PPP2R5E: variants seen among roughly 807,000 people sequenced by gnomAD.
PPP2R5E encodes protein phosphatase 2 regulatory subunit B'epsilon.
PPP2R5E carries 4 observed loss-of-function variants against 65.3 expected under a neutral mutation model. The observed-to-expected ratio is 0.06, with a 90% CI of 0.03 to 0.14. The LOEUF (loss-of-function observed/expected upper bound fraction) is 0.14, where lower values mean the gene tolerates loss of function less well. Among genes scored for constraint, PPP2R5E ranks in the 10% least tolerant of loss-of-function variants. The pLI is 1.00. For synonymous variants in PPP2R5E, 183 were observed against 187.4 expected (o/e 0.98, Z 0.19); for missense variants, 274 against 556.1 (o/e 0.49, Z 5.10).
chr14:63,516,957 G>A (rs1480570371), intron 2 of PPP2R5E, among the ~76,000 whole-genome samples: 1 of 151,602 alleles, frequency 6.6e-6, no homozygotes, highest in Non-Finnish European at 1.5e-5. Context: ...TTTAGTCTAT[G>A]GATGAACTAA....
chr14:63,515,311 A>C (rs1044461496), intron 2 of PPP2R5E, among the ~76,000 whole-genome samples: 4 of 152,204 alleles, frequency 2.6e-5, no homozygotes, highest in African/African-American at 9.7e-5. Context: ...AGAATTATTC[A>C]AATTATTTAG....
intron 5 of PPP2R5E, among the ~76,000 whole-genome samples, chr14:63,399,387 T>C (rs1885613864): frequency 7.7e-6 from 1 of 129,374 alleles, no homozygotes; most frequent in South Asian, 2.7e-4. Flanking sequence ...TTTTTTTTTT[T>C]TTTTTTTTTT....
chr14:63,415,613 A>G (rs35911948), intron 4 of PPP2R5E, among the ~76,000 whole-genome samples: 1 of 152,204 alleles, frequency 6.6e-6, no homozygotes, highest in Non-Finnish European at 1.5e-5. Context: ...CATTTAACAT[A>G]CCATATAAAT....
chr14:63,426,366 A>G (rs1005173296), intron 3 of PPP2R5E, among the ~76,000 whole-genome samples: 2 of 152,146 alleles, frequency 1.3e-5, no homozygotes, highest in Non-Finnish European at 2.9e-5. Flanking sequence ...TTATCAACTC[A>G]GTGGAATATT....
chr14:63,539,699 A>G lies in PPP2R5E; in HGVS notation c.-7-7T>C, dbSNP rs771279887. On this transcript the variant is annotated splice_polypyrimidine_tract_variant and splice_region_variant and intron_variant, in intron 1 of 13. Coordinates refer to ENST00000337537, the MANE Select transcript of PPP2R5E (RefSeq NM_006246.5). ...TGCTGAGGACATATCCCTACTGAAG[A>G]GAAAGAAGTATCATAAACCCATACA... The G allele has an allele frequency of 3.7e-6, 6 of 1,610,420 alleles. No individual in the cohort carries two copies. Among genetic ancestry groups the G allele is most frequent in the Non-Finnish European group, 5.1e-6 (6 of 1,177,598 alleles).
At chr14:63,491,879 G>GT (rs1280923833) in intron 2 of PPP2R5E, among the ~76,000 whole-genome samples, 3 of 151,948 alleles carry the variant, frequency 2.0e-5, no homozygotes, top group Admixed American at 6.6e-5. Flanking sequence ...AATTTCTTCT[G>GT]TTTTTCACTT....
Position 63,498,154 on chromosome 14 carries a change from C to T in PPP2R5E, c.157+41375G>A, listed in dbSNP as rs534245381. 6.6e-5 allele frequency among the ~76,000 whole-genome samples: 10 copies of T among 152,222 alleles called. No individual in the cohort carries two copies. In the South Asian group the frequency reaches 1.9e-3, roughly 28 times the overall value. On this transcript the variant is annotated intron_variant, in intron 2 of 13. Transcript: ENST00000337537. ...GAGAGCTTTTTCAGGTAGTATCAAC[C>T]AAGTCTTGAGGGATTTTTAAAATGT...
In PPP2R5E at chr14:63,429,953, G is replaced by T. The variant is rs1224880513; in HGVS notation, c.355-7859C>A. 3.3e-5 allele frequency among the ~76,000 whole-genome samples: 5 copies of T among 151,956 alleles called. No homozygotes were observed. In the East Asian group the frequency reaches 9.6e-4, roughly 29 times the overall value. On this transcript the variant is annotated intron_variant, in intron 3 of 13. Transcript: ENST00000337537. ...CCCGCCTTGGCCTCCCAAAGTGCCG[G>T]GATTACAGGCGTGAGCCCCTGCACC...
intron 5 of PPP2R5E, among the ~76,000 whole-genome samples, chr14:63,401,229 G>C (rs1885735506): frequency 6.6e-6 from 1 of 151,958 alleles, no homozygotes; most frequent in Non-Finnish European, 1.5e-5. Flanking sequence ...CCAAAACAAG[G>C]GGGGGTAGGA....
rs1309178898 is a variant in PPP2R5E at position 63,372,904 on chromosome 14, G to A, written c.*3105C>T. 1 of 152,100 alleles carries A rather than the reference G, an allele frequency of 6.6e-6. No homozygotes were observed. Among genetic ancestry groups the A allele is most frequent in the Non-Finnish European group, 1.5e-5 (1 of 68,026 alleles). 9.4% of individuals were successfully genotyped at this position (152,100 alleles called of 1,614,324 possible). A position where few individuals can be genotyped will look rare whatever the true frequency, so the allele number is the denominator to read the frequency against. On this transcript the variant is annotated 3_prime_UTR_variant, in exon 14 of 14. Transcript: ENST00000337537. ...CTGCTTGTGAGTATCCAGTGGCATC[G>A]AGGGTATTATTTATTTCTTTTTTTT... is the stretch of plus-strand genomic sequence containing the variant.
At chr14:63,400,914 A>G (rs1885716666) in intron 5 of PPP2R5E, among the ~76,000 whole-genome samples, 1 of 152,176 alleles carries the variant, frequency 6.6e-6, no homozygotes, top group South Asian at 2.1e-4. Context: ...TAACCAACAT[A>G]AGAGAAGGTT....
chr14:63,386,246 CA>C (rs1190758158), intron 11 of PPP2R5E, among the ~76,000 whole-genome samples: 3 of 152,150 alleles, frequency 2.0e-5, no homozygotes, highest in Non-Finnish European at 4.4e-5. Flanking sequence ...ACAAAGAAAA[CA>C]ATCATTACTG....
intron 5 of PPP2R5E, among the ~76,000 whole-genome samples, chr14:63,397,472 A>T (rs1885465617): frequency 7.2e-6 from 1 of 139,856 alleles, no homozygotes; most frequent in East Asian, 2.3e-4. Flanking sequence ...ATTGCACTCC[A>T]GCCTGGGCCA....
At chr14:63,440,363 T>C (rs961955037) in intron 3 of PPP2R5E, among the ~76,000 whole-genome samples, 2 of 149,458 alleles carry the variant, frequency 1.3e-5, no homozygotes, top group Admixed American at 6.7e-5. Context: ...AGCTACTATA[T>C]AGGGCAGCAG....
chr14:63,522,203 C>G (rs1213028345), intron 2 of PPP2R5E, among the ~76,000 whole-genome samples: 1 of 152,142 alleles, frequency 6.6e-6, no homozygotes. Context: ...GCCTCGGCCT[C>G]CCGAGGTGCC....
intron 3 of PPP2R5E, among the ~76,000 whole-genome samples, chr14:63,429,131 G>A (rs1376641374): frequency 1.3e-5 from 2 of 152,154 alleles, no homozygotes. Flanking sequence ...AATGTGATCA[G>A]GGGACCACTT....
chr14:63,427,093 G>A (rs915209709), intron 3 of PPP2R5E, among the ~76,000 whole-genome samples: 2 of 152,148 alleles, frequency 1.3e-5, no homozygotes, highest in Admixed American at 1.3e-4. Flanking sequence ...ACGGTTAAAT[G>A]GATTATTAAA....
intron 12 of PPP2R5E, among the ~76,000 whole-genome samples, chr14:63,382,372 GA>G (rs1884415448): frequency 6.7e-6 from 1 of 148,296 alleles, no homozygotes; most frequent in Non-Finnish European, 1.5e-5. Context: ...GGTAGAACTA[GA>G]AAAAAAATCT....
chr14:63,457,482 A>T (rs1283366812), intron 2 of PPP2R5E, among the ~76,000 whole-genome samples: 3 of 152,226 alleles, frequency 2.0e-5, no homozygotes, highest in African/African-American at 7.2e-5. Flanking sequence ...TCACCTGGAA[A>T]TCTAAAAACT....
Sources: gnomAD v4.1 joint callset for allele counts (sites outside exome capture counted in the v4.1 genomes callset) on GRCh38, gnomAD v4.1.1 for gene constraint, MANE v1.5 for transcripts, NCBI Gene and HGNC (gene_info 2026-07-23, HGNC 2026-07-21) for gene names.